The following AFG1L variants were observed in gnomAD, a reference collection of about 807,000 sequenced individuals.
The protein encoded by AFG1L is AFG1-like ATPase.
In AFG1L, 53 loss-of-function variants were observed where a neutral mutation model predicts 62.2. That is an observed-to-expected ratio of 0.85 (90% CI 0.68 to 1.07). AFG1L has a LOEUF of 1.07. Ranked by LOEUF, AFG1L falls within the 50% of genes least tolerant of loss-of-function variation. AFG1L has a pLI of 0.00. For synonymous variants in AFG1L, 228 were observed against 210.3 expected (o/e 1.08, Z -0.73); for missense variants, 555 against 590.5 (o/e 0.94, Z 0.62).
intron 8 of AFG1L, among the ~76,000 whole-genome samples, chr6:108,456,688 G>A (rs904916284): frequency 2.0e-5 from 3 of 151,922 alleles, no homozygotes; most frequent in Admixed American, 6.6e-5. Flanking sequence ...TATGGAATTT[G>A]CCTATTTTAT....
In AFG1L at chr6:108,324,062, G is replaced by A. The variant is rs1350356916; in HGVS notation, c.363+14G>A. ...CTTTTTTCAAAGGTGAGGCTTGTGT[G>A]ATATGAAAGATTAAACAGTTAAAAG... On this transcript the variant is annotated intron_variant, in intron 2 of 12. Transcript: ENST00000368977. 1.3e-6 allele frequency: 2 copies of A among 1,555,002 alleles called. No individual in the cohort carries two copies. The highest frequency in any genetic ancestry group is 1.8e-6 in the Non-Finnish European group (2 of 1,130,814).
At chr6:108,489,945 G>T (rs1429418609) in intron 10 of AFG1L, among the ~76,000 whole-genome samples, 1 of 152,226 alleles carries the variant, frequency 6.6e-6, no homozygotes, top group African/African-American at 2.4e-5. Flanking sequence ...GGGTTGAAAA[G>T]TATGTTTTCA....
At chr6:108,313,298 C>T (rs1462425571) in intron 1 of AFG1L, among the ~76,000 whole-genome samples, 2 of 152,168 alleles carry the variant, frequency 1.3e-5, no homozygotes, top group East Asian at 3.9e-4. Context: ...AGTTACTTTG[C>T]CTCTCTGTGC....
chr6:108,429,951 T>G (rs533875694), intron 7 of AFG1L, among the ~76,000 whole-genome samples: 3 of 152,030 alleles, frequency 2.0e-5, no homozygotes, highest in Non-Finnish European at 4.4e-5. Context: ...TATTATGTAT[T>G]TATTTATTTA....
Position 108,366,265 on chromosome 6 carries a change from A to G in AFG1L, c.681A>G (p.Lys227=). Reference sequence around the variant, plus strand: ...ACATTGCTGATGCCATGATTCTGAAACAGCTTTTTGAAAATCTGTTCAAAA... The same window carrying G: ...ACATTGCTGATGCCATGATTCTGAAGCAGCTTTTTGAAAATCTGTTCAAAA... ...VTDIADAMIL[K]QLFENLFKNG... is the part of the protein sequence containing the mutation. Residue 227 remains lysine (K), a synonymous_variant, in exon 6 of 13, where the codon AAA becomes AAG. Transcript: ENST00000368977. 6.2e-7 allele frequency: 1 copy of G among 1,611,012 alleles called. No individual in the cohort carries two copies. Among genetic ancestry groups the G allele is most frequent in the Non-Finnish European group, 8.5e-7 (1 of 1,177,790 alleles).
chr6:108,401,889 T>C, intron 6 of AFG1L, 107 bp from the exon 7 acceptor site: 2 of 568,370 alleles, frequency 3.5e-6, no homozygotes, highest in Non-Finnish European at 6.2e-6. Context: ...TTTTTGCTCC[T>C]TTATCTTTTT....
intron 1 of AFG1L, among the ~76,000 whole-genome samples, chr6:108,303,311 T>C (rs190235890): frequency 2.1e-3 from 323 of 152,252 alleles, no homozygotes; most frequent in African/African-American, 7.5e-3. Flanking sequence ...CCTCCCGAAG[T>C]GTTAGGATTA....
At chr6:108,514,698 C>T (rs1471416029) in intron 11 of AFG1L, among the ~76,000 whole-genome samples, 1 of 152,184 alleles carries the variant, frequency 6.6e-6, no homozygotes. Context: ...AAGACACAGA[C>T]TGGCAAATTG....
At chr6:108,335,407 A>G (rs146808885) in intron 2 of AFG1L, among the ~76,000 whole-genome samples, 1 of 152,372 alleles carries the variant, frequency 6.6e-6, no homozygotes, top group African/African-American at 2.4e-5. Flanking sequence ...AAAGAGTCAT[A>G]GAGCCTATCC....
chr6:108,503,734 G>A (rs961582606), intron 10 of AFG1L, among the ~76,000 whole-genome samples: 3 of 152,196 alleles, frequency 2.0e-5, no homozygotes, highest in Admixed American at 2.0e-4. Flanking sequence ...GCCAGGCATT[G>A]ACTTCCCTCT....
chr6:108,381,355 T>G (rs1780509010), intron 6 of AFG1L, among the ~76,000 whole-genome samples: 1 of 142,698 alleles, frequency 7.0e-6, no homozygotes, highest in African/African-American at 2.9e-5. Context: ...TTACTTTTCT[T>G]TTTTTTTTTT....
At chr6:108,408,669 G>A (rs1345208085) in intron 7 of AFG1L, among the ~76,000 whole-genome samples, 3 of 151,982 alleles carry the variant, frequency 2.0e-5, no homozygotes, top group African/African-American at 2.4e-5. Context: ...TACCTATTAC[G>A]TAATGTCTGG....
intron 5 of AFG1L, among the ~76,000 whole-genome samples, chr6:108,363,061 G>A (rs1321032237): frequency 6.6e-6 from 1 of 152,030 alleles, no homozygotes; most frequent in African/African-American, 2.4e-5. Context: ...ATTTTACTAG[G>A]GAGACGAATG....
At position 108,313,668 on chromosome 6, in the gene AFG1L, G is replaced by T. The variant is rs1042327396; in HGVS notation, c.140-10157G>T. 7.2e-5 allele frequency among the ~76,000 whole-genome samples: 11 copies of T among 152,158 alleles called. No homozygotes were observed. In the South Asian group the frequency reaches 1.9e-3, roughly 26 times the overall value. On this transcript the variant is annotated intron_variant, in intron 1 of 12. Coordinates refer to ENST00000368977, the MANE Select transcript of AFG1L (RefSeq NM_145315.5). Reference sequence around the variant, plus strand: ...TGATTCTCCCATCTCAGTCTCCTGTGTAGCTGGTACAAAGGTGTGCACCAC... The same window carrying T: ...TGATTCTCCCATCTCAGTCTCCTGTTTAGCTGGTACAAAGGTGTGCACCAC...
At chr6:108,362,393 ATAT>A (rs1177470656) in intron 5 of AFG1L, among the ~76,000 whole-genome samples, 2 of 152,110 alleles carry the variant, frequency 1.3e-5, no homozygotes, top group Non-Finnish European at 2.9e-5. Flanking sequence ...ATGTTCTATA[ATAT>A]TAGTTACTGT....
rs144396208 is a variant in AFG1L at position 108,348,848 on chromosome 6, C to A, written c.415+1809C>A. Among the ~76,000 whole-genome samples the A allele has an allele frequency of 1.1e-4, 17 of 152,316 alleles. No homozygotes were observed. The East Asian group carries it at 3.3e-3, about 29-fold the overall frequency. On this transcript the variant is annotated intron_variant, in intron 3 of 12. Transcript: ENST00000368977. ...ACTTTGTTCCTCCTGTTACCTTAAC[C>A]ACCTGACCATAAATGGAGATGGTTA...
At chr6:108,396,266 G>A (rs1162868133) in intron 6 of AFG1L, among the ~76,000 whole-genome samples, 1 of 151,794 alleles carries the variant, frequency 6.6e-6, no homozygotes, top group Non-Finnish European at 1.5e-5. Flanking sequence ...CTTAAAACTT[G>A]TCCCTTTTCA....
chr6:108,510,115 C>T (rs1201782262), intron 10 of AFG1L, 97 bp from the exon 11 acceptor site: 1 of 894,054 alleles, frequency 1.1e-6, no homozygotes, highest in Non-Finnish European at 1.7e-6. Flanking sequence ...ACCTAGATCA[C>T]ACCATGACAA....
intron 1 of AFG1L, among the ~76,000 whole-genome samples, chr6:108,298,260 ATT>A (rs779200181): frequency 5.1e-4 from 62 of 121,446 alleles, no homozygotes; most frequent in African/African-American, 9.3e-4. Flanking sequence ...GAGGGGAAGA[ATT>A]TTTTTTTTTT....
Sources: allele counts gnomAD v4.1 joint callset (sites outside exome capture counted in the v4.1 genomes callset), GRCh38; gene constraint gnomAD v4.1.1; transcripts MANE v1.5; gene names NCBI Gene and HGNC (gene_info 2026-07-23, HGNC 2026-07-21).